Variants in PPP1R1C observed in about 807,000 individuals in gnomAD.
PPP1R1C encodes the protein protein phosphatase 1 regulatory subunit 1C.
In PPP1R1C, 15 loss-of-function variants were observed where a neutral mutation model predicts 17.4. That is an observed-to-expected ratio of 0.86 (90% CI 0.58 to 1.33). The LOEUF (loss-of-function observed/expected upper bound fraction) is 1.33, where lower values mean the gene tolerates loss of function less well. PPP1R1C is among the 40% of genes most tolerant of loss of function. PPP1R1C has a pLI of 0.00. For missense variants in PPP1R1C, 143 were observed against 130.0 expected (o/e 1.10, Z -0.48); for synonymous variants, 35 against 43.1 (o/e 0.81, Z 0.73).
intron 2 of PPP1R1C, among the ~76,000 whole-genome samples, chr2:182,041,004 G>A (rs914093831): frequency 6.6e-6 from 1 of 152,090 alleles, no homozygotes; most frequent in Non-Finnish European, 1.5e-5. Context: ...TGTTCCATTG[G>A]TCTAGGTGTC....
At chr2:182,003,191 G>T (rs1026341231) in intron 2 of PPP1R1C, among the ~76,000 whole-genome samples, 1 of 152,110 alleles carries the variant, frequency 6.6e-6, no homozygotes, top group African/African-American at 2.4e-5. Context: ...GATCTGCTCT[G>T]CATAATCTTG....
chr2:182,122,210 G>C (rs916031250), downstream of PPP1R1C, among the ~76,000 whole-genome samples: 5 of 139,130 alleles, frequency 3.6e-5, no homozygotes, highest in African/African-American at 6.1e-5. Context: ...TCCAAGGTAA[G>C]GGTATTTATA....
intron 4 of PPP1R1C, among the ~76,000 whole-genome samples, chr2:182,086,099 TA>T (rs1456757923): frequency 2.6e-5 from 4 of 152,044 alleles, no homozygotes; most frequent in Non-Finnish European, 4.4e-5. Context: ...GAAACAGGAT[TA>T]TAGATACCAA....
In PPP1R1C at chr2:181,976,112, A is replaced by G. The variant is rs1685087816; in HGVS notation, n.157+848A>G. On this transcript the variant is annotated intron_variant and non_coding_transcript_variant, in intron 2 of 5. Coordinates refer to the PPP1R1C transcript ENST00000464264. This position sits in a 1 kb window ranked among gnomAD's most constrained non-coding sequence, Gnocchi z 4.8. ...GAAAATCATAAAGAGAAAATATATA[A>G]CCTATAAACTCACCATCCAGAGACA... Among the ~76,000 whole-genome samples, 1 of 152,114 alleles carries G rather than the reference A, an allele frequency of 6.6e-6. No individual in the cohort carries two copies. The highest frequency in any genetic ancestry group is 2.4e-5 in the African/African-American group (1 of 41,430).
At chr2:182,044,829 A>G (rs1186569902) in intron 2 of PPP1R1C, among the ~76,000 whole-genome samples, 3 of 152,214 alleles carry the variant, frequency 2.0e-5, no homozygotes, top group Non-Finnish European at 2.9e-5. Flanking sequence ...TACATATAAG[A>G]CACAGATTAT....
At chr2:182,056,591 C>T (rs1256701987) in intron 2 of PPP1R1C, among the ~76,000 whole-genome samples, 1 of 152,138 alleles carries the variant, frequency 6.6e-6, no homozygotes, top group Non-Finnish European at 1.5e-5. Flanking sequence ...CTAAATTCAT[C>T]AAAAGTCTGT....
chr2:182,075,397 C>T (rs751513952), intron 4 of PPP1R1C, among the ~76,000 whole-genome samples: 4 of 152,162 alleles, frequency 2.6e-5, no homozygotes, highest in Non-Finnish European at 4.4e-5. Flanking sequence ...CATTTGCCTT[C>T]TGAATCTGAG....
intron 4 of PPP1R1C, among the ~76,000 whole-genome samples, chr2:182,098,096 A>G (rs1328063673): frequency 6.6e-6 from 1 of 152,064 alleles, no homozygotes; most frequent in African/African-American, 2.4e-5. Context: ...CCATGTCTCC[A>G]TATCCTAGAT....
chr2:182,124,314 G>GTTTTTTTTTTTTTTTTT (rs796745919), intron 5 of PPP1R1C, among the ~76,000 whole-genome samples: 1 of 42,098 alleles, frequency 2.4e-5, no homozygotes, highest in Non-Finnish European at 5.9e-5. Context: ...GTTTTTTTTT[G>GTTTTTTTTTTTTTTTTT]TTTTTTTTTT....
At chr2:182,012,034 C>A (rs922339055) in intron 2 of PPP1R1C, among the ~76,000 whole-genome samples, 2 of 151,998 alleles carry the variant, frequency 1.3e-5, no homozygotes, top group African/African-American at 4.8e-5. Context: ...TGTGGCCTAA[C>A]ATATGGTCTC....
intron 2 of PPP1R1C, among the ~76,000 whole-genome samples, chr2:182,014,805 A>C (rs1024770963): frequency 6.6e-6 from 1 of 150,654 alleles, no homozygotes; most frequent in Admixed American, 6.6e-5. Context: ...AAGCAGAAGG[A>C]GACTCTCTTT....
intron 2 of PPP1R1C, among the ~76,000 whole-genome samples, chr2:182,016,982 C>T (rs1213423231): frequency 6.6e-6 from 1 of 152,146 alleles, no homozygotes; most frequent in Non-Finnish European, 1.5e-5. Flanking sequence ...AATCCATAAT[C>T]CAAAAGGAAT....
At chr2:181,998,012 G>A (rs1473629334) in intron 2 of PPP1R1C, among the ~76,000 whole-genome samples, 3 of 152,120 alleles carry the variant, frequency 2.0e-5, no homozygotes, top group African/African-American at 7.2e-5. Context: ...TTTCTGCTGT[G>A]TCTGTGACAC....
intron 1 of PPP1R1C, among the ~76,000 whole-genome samples, chr2:181,973,131 A>G (rs1327501856): frequency 1.3e-5 from 2 of 152,172 alleles, no homozygotes; most frequent in African/African-American, 4.8e-5. Context: ...TATGATCAGT[A>G]AGCATCTTTG....
intron 4 of PPP1R1C, among the ~76,000 whole-genome samples, chr2:182,072,662 G>T (rs1016399514): frequency 6.6e-6 from 1 of 152,038 alleles, no homozygotes; most frequent in Admixed American, 6.5e-5. Flanking sequence ...TATCCTGTTT[G>T]CCCTAACTAA....
chr2:182,104,900 G>A (rs1404031155), intron 4 of PPP1R1C, among the ~76,000 whole-genome samples: 1 of 152,150 alleles, frequency 6.6e-6, no homozygotes, highest in East Asian at 1.9e-4. Flanking sequence ...GCTTTTCTTT[G>A]AAGGGAGACT....
chr2:182,117,488 A>G lies in PPP1R1C; in HGVS notation c.*193A>G, dbSNP rs1689623380. The G allele has an allele frequency of 2.1e-6, 1 of 471,014 alleles. No homozygotes were observed. Among genetic ancestry groups the G allele is most frequent in the Admixed American group, 4.0e-5 (1 of 25,118 alleles). The allele number at this position is 471,014 out of a possible 1,614,324, so 29.2% of individuals were successfully genotyped here. A position where few individuals can be genotyped will look rare whatever the true frequency, so the allele number is the denominator to read the frequency against. On this transcript the variant is annotated 3_prime_UTR_variant, in exon 5 of 5. Coordinates refer to ENST00000682840, the MANE Select transcript of PPP1R1C (RefSeq NM_001080545.3). Reference sequence around the variant, plus strand: ...AACTAAGTACACATTGTTCCACATCACTTATAATTAAAGAATAAGCATTTA... The same window carrying G: ...AACTAAGTACACATTGTTCCACATCGCTTATAATTAAAGAATAAGCATTTA...
At chr2:182,112,261 C>A (rs1237197802) in intron 4 of PPP1R1C, among the ~76,000 whole-genome samples, 1 of 151,968 alleles carries the variant, frequency 6.6e-6, no homozygotes, top group South Asian at 2.1e-4. Context: ...TCTGTGTTTC[C>A]CAGAGTTCAG....
At chr2:181,966,736 C>T (rs369915603) in intron 1 of PPP1R1C, among the ~76,000 whole-genome samples, 1 of 151,978 alleles carries the variant, frequency 6.6e-6, no homozygotes, top group Non-Finnish European at 1.5e-5. Context: ...GTTTTTGCAT[C>T]GATATTCAGA....
Sources: allele counts gnomAD v4.1 joint callset (sites outside exome capture counted in the v4.1 genomes callset), GRCh38; gene constraint gnomAD v4.1.1; non-coding constraint Gnocchi (gnomAD v3.1); transcripts MANE v1.5; gene names NCBI Gene and HGNC (gene_info 2026-07-23, HGNC 2026-07-21).